H2AC15: variants seen among roughly 807,000 people sequenced by gnomAD.
H2AC15 encodes H2A clustered histone 15.
A neutral mutation model predicts 7.8 loss-of-function variants in H2AC15; 7 were observed. The observed-to-expected ratio is 0.90, with a 90% CI of 0.51 to 1.69. The LOEUF (loss-of-function observed/expected upper bound fraction) is 1.69, where lower values mean the gene tolerates loss of function less well. Ranked by LOEUF, H2AC15 falls within the 40% of genes most tolerant of loss-of-function variation. The pLI, the probability that H2AC15 is intolerant of heterozygous loss-of-function variation, is 0.00. For missense variants in H2AC15, 234 were observed against 174.7 expected (o/e 1.34, Z -1.91); for synonymous variants, 125 against 79.3 (o/e 1.58, Z -3.06).
Position 27,837,985 on chromosome 6 carries a change from T to G in H2AC15, c.355A>C (p.Lys119Gln), listed in dbSNP as rs1303152120. 6.2e-7 allele frequency: 1 copy of G among 1,614,236 alleles called. No homozygotes were observed. The highest frequency in any genetic ancestry group is 1.7e-5 in the Admixed American group (1 of 60,036). The change falls in exon 1 of 1, where the codon AAG becomes CAG. Residue 119 changes from lysine (K) to glutamine (Q), a missense_variant. Coordinates refer to ENST00000618958, the MANE Select transcript of H2AC15 (RefSeq NM_003510.3). ...LPNIQAVLLP[K>Q]KTESHHKAKG... ...GCCTTGTGGTGGCTCTCAGTTTTCT[T>G]AGGCAGCAGCACGGCCTGGATATTG...
In H2AC15 at chr6:27,838,303, C is replaced by T. The variant is rs1424967531; in HGVS notation, c.37G>A (p.Ala13Thr). 4 of 1,600,724 alleles carry T rather than the reference C, an allele frequency of 2.5e-6. No homozygotes were observed. Among genetic ancestry groups the T allele is most frequent in the Non-Finnish European group, 3.4e-6 (4 of 1,172,454 alleles). The change falls in exon 1 of 1, where the codon GCC (alanine) becomes ACC (threonine). Residue 13 changes from alanine (A) to threonine (T), a missense_variant. Physicochemically the swap from Ala to Thr is moderately conservative, Grantham distance 58 (BLOSUM62 0). Coordinates refer to ENST00000618958, the MANE Select transcript of H2AC15 (RefSeq NM_003510.3). ...CTTGAAGAACGGGTCTTAGCCTTGG[C>T]GCGAGCTTTGCCGCCCTGCTTGCCA... ...GRGKQGGKARAKAKTRSSRAG... is the reference protein window; with the variant it reads ...GRGKQGGKARTKAKTRSSRAG...
In H2AC15 at chr6:27,838,170, T is replaced by C. The variant is rs1761067156; in HGVS notation, c.170A>G (p.Glu57Gly). The stretch of plus-strand genomic sequence containing the variant: ...TTCCAGGATCTCGGCGGTTAGGTAC[T>C]CCAACACCGCCGCCAGGTACACCGG... Reference protein sequence around the residue: ...GAPVYLAAVLEYLTAEILELA... With the variant: ...GAPVYLAAVLGYLTAEILELA... The change falls in exon 1 of 1, where the codon GAG becomes GGG. Residue 57 changes from glutamate (E) to glycine (G), a missense_variant. Transcript: ENST00000618958. 6.2e-7 allele frequency: 1 copy of C among 1,614,134 alleles called. No individual in the cohort carries two copies. Among genetic ancestry groups the C allele is most frequent in the African/African-American group, 1.3e-5 (1 of 75,046 alleles).
Position 27,838,300 on chromosome 6 carries a change from T to TA in H2AC15, c.39_40insT (p.Lys14Ter). Reference sequence around the variant, plus strand: ...GCCCTTGAAGAACGGGTCTTAGCCTTGGCGCGAGCTTTGCCGCCCTGCTTG... The same window carrying TA: ...GCCCTTGAAGAACGGGTCTTAGCCTTAGGCGCGAGCTTTGCCGCCCTGCTTG... On this transcript the variant is annotated frameshift_variant, in exon 1 of 1. Transcript: ENST00000618958. LOFTEE classifies it high-confidence loss of function. 6.2e-7 allele frequency: 1 copy of TA among 1,601,030 alleles called. No individual in the cohort carries two copies. Among genetic ancestry groups the TA allele is most frequent in the Non-Finnish European group, 8.5e-7 (1 of 1,172,634 alleles).
At position 27,838,252 on chromosome 6, in the gene H2AC15, G is replaced by A. The variant is rs751966129; in HGVS notation, c.88C>T (p.Arg30Ter). ...SRAGLQFPVG[R>*]VHRLLRKGNY... ...CCCTTGCGGAGCAGTCGGTGCACTC[G>A]GCCCACTGGGAACTGAAGACCCGCC... The change falls in exon 1 of 1, where the codon CGA (arginine) becomes TGA (stop). Residue 30 changes from arginine (R) to a stop codon, truncating the protein, a stop_gained. Transcript: ENST00000618958. LOFTEE classifies it high-confidence loss of function. 3.7e-6 allele frequency: 6 copies of A among 1,613,838 alleles called. No homozygotes were observed. Among genetic ancestry groups the A allele is most frequent in the African/African-American group, 1.3e-5 (1 of 74,984 alleles).
At position 27,838,335 on chromosome 6, in the gene H2AC15, G is replaced by A. The variant is rs188027160; in HGVS notation, c.5C>T (p.Ser2Leu). The A allele has an allele frequency of 6.3e-5, 99 of 1,575,628 alleles. No individual in the cohort carries two copies. In the Middle Eastern group the frequency reaches 8.6e-4, roughly 14 times the overall value. ...TTTGCCGCCCTGCTTGCCACGTCCC[G>A]ACATGACGTAAAAAATTCAATCAGT... M[S>L]GRGKQGGKAR... Residue 2 changes from serine (S) to leucine (L), a missense_variant, in exon 1 of 1, where the codon TCG becomes TTG. Physicochemically the swap from Ser to Leu is moderately radical, Grantham distance 145. Transcript: ENST00000618958.
At position 27,838,309 on chromosome 6, in the gene H2AC15, C is replaced by T; in HGVS notation, c.31G>A (p.Ala11Thr). Reference sequence around the variant, plus strand: ...GAACGGGTCTTAGCCTTGGCGCGAGCTTTGCCGCCCTGCTTGCCACGTCCC... The same window carrying T: ...GAACGGGTCTTAGCCTTGGCGCGAGTTTTGCCGCCCTGCTTGCCACGTCCC... MSGRGKQGGK[A>T]RAKAKTRSSR... Residue 11 changes from alanine to threonine, a missense_variant, in exon 1 of 1, where the codon GCT becomes ACT. By Grantham distance (58) the Ala-to-Thr change is moderately conservative. Transcript: ENST00000618958. 6.3e-7 allele frequency: 1 copy of T among 1,595,092 alleles called. No individual in the cohort carries two copies.
chr6:27,838,028 G>T lies in H2AC15; in HGVS notation c.312C>A (p.Ala104=). The T allele has an allele frequency of 1.9e-6, 3 of 1,614,232 alleles. No individual in the cohort carries two copies. Among genetic ancestry groups the T allele is most frequent in the Non-Finnish European group, 2.5e-6 (3 of 1,180,034 alleles). ...LNKLLGKVTI[A]QGGVLPNIQA... is the part of the protein sequence containing the mutation. The stretch of plus-strand genomic sequence containing the variant: ...GGATATTGGGCAGGACACCACCCTG[G>T]GCGATGGTCACTTTACCAAGCAGCT... Residue 104 remains alanine (A), a synonymous_variant, in exon 1 of 1, where the codon GCC becomes GCA. Coordinates refer to ENST00000618958, the MANE Select transcript of H2AC15 (RefSeq NM_003510.3).
At position 27,838,319 on chromosome 6, in the gene H2AC15, C is replaced by T. The variant is rs1365281914; in HGVS notation, c.21G>A (p.Gln7=). MSGRGK[Q]GGKARAKAKT... is the part of the protein sequence containing the mutation. ...TAGCCTTGGCGCGAGCTTTGCCGCC[C>T]TGCTTGCCACGTCCCGACATGACGT... is the stretch of plus-strand genomic sequence containing the variant. The change falls in exon 1 of 1, where the codon CAG becomes CAA. Residue 7 remains glutamine (Q), a synonymous_variant. Coordinates refer to ENST00000618958, the MANE Select transcript of H2AC15 (RefSeq NM_003510.3). 1.2e-5 allele frequency: 19 copies of T among 1,590,284 alleles called. No individual in the cohort carries two copies. The highest frequency in any genetic ancestry group is 1.5e-5 in the Non-Finnish European group (17 of 1,166,762).
rs200020824 is a variant in H2AC15, at chr6:27,838,051, G to C, written c.289C>G (p.Leu97Val). The C allele has an allele frequency of 1.2e-6, 2 of 1,614,228 alleles. No individual in the cohort carries two copies. The highest frequency in any genetic ancestry group is 2.2e-5 in the East Asian group (1 of 44,884). The change falls in exon 1 of 1, where the codon CTG (leucine) becomes GTG (valine). Residue 97 changes from leucine to valine, a missense_variant. By Grantham distance (32) the Leu-to-Val change is conservative (BLOSUM62 1). Coordinates refer to ENST00000618958, the MANE Select transcript of H2AC15 (RefSeq NM_003510.3). ...AIRNDEELNK[L>V]LGKVTIAQGG... Reference sequence around the variant, plus strand: ...TGGGCGATGGTCACTTTACCAAGCAGCTTGTTGAGCTCCTCGTCGTTGCGG... The same window carrying C: ...TGGGCGATGGTCACTTTACCAAGCACCTTGTTGAGCTCCTCGTCGTTGCGG...
rs758508306 is a variant in H2AC15 at position 27,837,964 on chromosome 6, TGTG to T, written c.373_375del (p.His125del). On this transcript the variant is annotated inframe_deletion, in exon 1 of 1. Coordinates refer to ENST00000618958, the MANE Select transcript of H2AC15 (RefSeq NM_003510.3). ...CAGCCCCGCTACTTGCCCTTGGCCT[TGTG>T]GTGGCTCTCAGTTTTCTTAGGCAGC... 6.2e-7 allele frequency: 1 copy of T among 1,614,184 alleles called. No homozygotes were observed. The highest frequency in any genetic ancestry group is 1.1e-5 in the South Asian group (1 of 91,090).
rs760967268 is a variant in H2AC15, at chr6:27,837,965, G to C, written c.375C>G (p.His125Gln). 1 of 1,614,240 alleles carries C rather than the reference G, an allele frequency of 6.2e-7. No homozygotes were observed. Among genetic ancestry groups the C allele is most frequent in the Admixed American group, 1.7e-5 (1 of 60,024 alleles). ...AGCCCCGCTACTTGCCCTTGGCCTT[G>C]TGGTGGCTCTCAGTTTTCTTAGGCA... ...VLLPKKTESH[H>Q]KAKGK The change falls in exon 1 of 1, where the codon CAC (histidine) becomes CAG (glutamine). Residue 125 changes from histidine (H) to glutamine (Q), a missense_variant. Physicochemically the swap from His to Gln is conservative, Grantham distance 24. Coordinates refer to ENST00000618958, the MANE Select transcript of H2AC15 (RefSeq NM_003510.3).
rs768453272 is a variant in H2AC15 at position 27,837,956 on chromosome 6, C to T, written c.384G>A (p.Lys128=). Residue 128 remains lysine (K), a synonymous_variant, in exon 1 of 1, where the codon AAG becomes AAA. Coordinates refer to ENST00000618958, the MANE Select transcript of H2AC15 (RefSeq NM_003510.3). ...AACTGCTCCAGCCCCGCTACTTGCC[C>T]TTGGCCTTGTGGTGGCTCTCAGTTT... ...PKKTESHHKA[K]GK 1 of 1,614,188 alleles carries T rather than the reference C, an allele frequency of 6.2e-7. No individual in the cohort carries two copies. Among genetic ancestry groups the T allele is most frequent in the Non-Finnish European group, 8.5e-7 (1 of 1,180,030 alleles).
chr6:27,838,362 A>G lies in H2AC15; in HGVS notation c.-23T>C, dbSNP rs370602738. The G allele has an allele frequency of 1.9e-5, 29 of 1,558,108 alleles. No homozygotes were observed. In the Middle Eastern group the frequency reaches 5.2e-4, roughly 28 times the overall value. Reference sequence around the variant, plus strand: ...CATGACGTAAAAAATTCAATCAGTAACGTTCCTGAGACTGACGTAACGCTA... The same window carrying G: ...CATGACGTAAAAAATTCAATCAGTAGCGTTCCTGAGACTGACGTAACGCTA... On this transcript the variant is annotated 5_prime_UTR_variant, in exon 1 of 1. Transcript: ENST00000618958.
Position 27,838,340 on chromosome 6 carries a change from G to A in H2AC15, c.-1C>T, listed in dbSNP as rs760717593. Reference sequence around the variant, plus strand: ...CGCCCTGCTTGCCACGTCCCGACATGACGTAAAAAATTCAATCAGTAACGT... The same window carrying A: ...CGCCCTGCTTGCCACGTCCCGACATAACGTAAAAAATTCAATCAGTAACGT... On this transcript the variant is annotated 5_prime_UTR_variant, in exon 1 of 1. Transcript: ENST00000618958. The A allele has an allele frequency of 5.7e-6, 9 of 1,573,252 alleles. No homozygotes were observed. The highest frequency in any genetic ancestry group is 3.7e-5 in the Admixed American group (2 of 53,582).
chr6:27,838,194 G>A lies in H2AC15; in HGVS notation c.146C>T (p.Pro49Leu), dbSNP rs554602359. ...CTCCAACACCGCCGCCAGGTACACCGGCGCTCCGGCACCGACCCGCTCAGC... is the reference window on the plus strand; with the variant it reads ...CTCCAACACCGCCGCCAGGTACACCAGCGCTCCGGCACCGACCCGCTCAGC... ...NYAERVGAGA[P>L]VYLAAVLEYL... Residue 49 changes from proline to leucine, a missense_variant, in exon 1 of 1, where the codon CCG (proline) becomes CTG (leucine). Transcript: ENST00000618958. 22 of 1,613,968 alleles carry A rather than the reference G, an allele frequency of 1.4e-5. No homozygotes were observed. The Admixed American group carries it at 3.2e-4, about 23-fold the overall frequency.
Position 27,838,355 on chromosome 6 carries a change from A to G in H2AC15, c.-16T>C, listed in dbSNP as rs368057561. 12 of 1,564,392 alleles carry G rather than the reference A, an allele frequency of 7.7e-6. No individual in the cohort carries two copies. The highest frequency in any genetic ancestry group is 2.2e-5 in the East Asian group (1 of 44,494). On this transcript the variant is annotated 5_prime_UTR_variant, in exon 1 of 1. Coordinates refer to ENST00000618958, the MANE Select transcript of H2AC15 (RefSeq NM_003510.3). The stretch of plus-strand genomic sequence containing the variant: ...GTCCCGACATGACGTAAAAAATTCA[A>G]TCAGTAACGTTCCTGAGACTGACGT...
chr6:27,837,913 A>G lies in H2AC15; in HGVS notation c.*34T>C, dbSNP rs769222848. On this transcript the variant is annotated 3_prime_UTR_variant, in exon 1 of 1. Coordinates refer to ENST00000618958, the MANE Select transcript of H2AC15 (RefSeq NM_003510.3). ...TCTGAAAAGAACCTTTTTGGTTTGG[A>G]CCGAGGTATGAGTAATGAACTGCTC... The G allele has an allele frequency of 6.2e-7, 1 of 1,603,512 alleles. No individual in the cohort carries two copies. Among genetic ancestry groups the G allele is most frequent in the South Asian group, 1.1e-5 (1 of 90,496 alleles).
chr6:27,838,257 ACTGGGAACTGAAGACCCG>A lies in H2AC15; in HGVS notation c.65_82del (p.Ala22_Pro27del), dbSNP rs1761072119. 3 of 1,613,512 alleles carry A rather than the reference ACTGGGAACTGAAGACCCG, an allele frequency of 1.9e-6. No homozygotes were observed. Among genetic ancestry groups the A allele is most frequent in the Non-Finnish European group, 2.5e-6 (3 of 1,179,802 alleles). On this transcript the variant is annotated inframe_deletion, in exon 1 of 1. Transcript: ENST00000618958. ...GCGGAGCAGTCGGTGCACTCGGCCC[ACTGGGAACTGAAGACCCG>A]CCCTTGAAGAACGGGTCTTAGCCTT...
In H2AC15 at chr6:27,838,100, G is replaced by A. The variant is rs754461130; in HGVS notation, c.240C>T (p.Ile80=). 4 of 1,614,202 alleles carry A rather than the reference G, an allele frequency of 2.5e-6. No homozygotes were observed. The highest frequency in any genetic ancestry group is 2.2e-5 in the East Asian group (1 of 44,876). The change falls in exon 1 of 1, where the codon ATC becomes ATT. Residue 80 remains isoleucine (I), a synonymous_variant. Coordinates refer to ENST00000618958, the MANE Select transcript of H2AC15 (RefSeq NM_003510.3). ...AARDNKKTRI[I]PRHLQLAIRN... ...GGATGGCCAGCTGCAAGTGGCGCGG[G>A]ATGATGCGGGTCTTCTTGTTGTCGC... is the stretch of plus-strand genomic sequence containing the variant.
Sources: gnomAD v4.1 joint callset for allele counts on GRCh38, gnomAD v4.1.1 for gene constraint, MANE v1.5 for transcripts, NCBI Gene and HGNC (gene_info 2026-07-23, HGNC 2026-07-21) for gene names.